RALYL: variants seen among roughly 807,000 people sequenced by gnomAD.
RALYL encodes RALY RNA binding protein like.
RALYL carries 29 observed loss-of-function variants against 35.1 expected under a neutral mutation model. That is an observed-to-expected ratio of 0.83 (90% CI 0.61 to 1.13). The LOEUF (loss-of-function observed/expected upper bound fraction) is 1.13. RALYL is among the 50% of genes most tolerant of loss of function. The pLI is 0.00. For missense variants in RALYL, 359 were observed against 360.4 expected (o/e 1.00, Z 0.03); for synonymous variants, 120 against 127.6 (o/e 0.94, Z 0.40).
chr8:84,547,661 G>A (rs147040789), intron 2 of RALYL, among the ~76,000 whole-genome samples: 2,359 of 150,152 alleles, frequency 0.016, 62 homozygotes, highest in African/African-American at 0.054. Context: ...TTACAGGCAT[G>A]AGCCACTGTA....
At chr8:84,296,548 A>G (rs1839776124) in intron 1 of RALYL, among the ~76,000 whole-genome samples, 1 of 150,302 alleles carries the variant, frequency 6.7e-6, no homozygotes, top group East Asian at 2.0e-4. Context: ...GCATGCAAAG[A>G]TGTGACATGC....
chr8:84,649,598 C>T (rs981047650), intron 2 of RALYL, among the ~76,000 whole-genome samples: 32 of 151,930 alleles, frequency 2.1e-4, no homozygotes, highest in Non-Finnish European at 2.6e-4. Context: ...TGTAGATATG[C>T]GGCGTTATTT....
chr8:84,202,635 G>A (rs62528133), intron 1 of RALYL, among the ~76,000 whole-genome samples: 1 of 152,096 alleles, frequency 6.6e-6, no homozygotes, highest in Non-Finnish European at 1.5e-5. Flanking sequence ...GCCTCCCAAA[G>A]TGCTGGGATT....
chr8:84,775,306 T>C (rs1310764251), intron 3 of RALYL, among the ~76,000 whole-genome samples: 2 of 152,162 alleles, frequency 1.3e-5, no homozygotes, highest in Non-Finnish European at 2.9e-5. Context: ...TTTACATATG[T>C]TGTTTAATTT....
chr8:84,662,009 T>C (rs1457020574), intron 2 of RALYL, among the ~76,000 whole-genome samples: 1 of 152,042 alleles, frequency 6.6e-6, no homozygotes, highest in African/African-American at 2.4e-5. Context: ...GCTTTTCTCA[T>C]AATCTTTAAA....
chr8:84,888,477 G>T (rs947066769), intron 8 of RALYL, among the ~76,000 whole-genome samples: 1 of 152,086 alleles, frequency 6.6e-6, no homozygotes, highest in African/African-American at 2.4e-5. Context: ...TATCTCAAAG[G>T]ACTTAACTAA....
chr8:84,548,440 C>T (rs1007322587), intron 2 of RALYL, among the ~76,000 whole-genome samples: 1 of 152,062 alleles, frequency 6.6e-6, no homozygotes, highest in Non-Finnish European at 1.5e-5. Context: ...AGTTTTAGCA[C>T]ATGTTGAAAT....
At chr8:84,230,843 T>C (rs868560536) in intron 1 of RALYL, among the ~76,000 whole-genome samples, 23 of 152,196 alleles carry the variant, frequency 1.5e-4, no homozygotes, top group African/African-American at 5.3e-4. Flanking sequence ...AATAAGGAAA[T>C]GATTCAAGTC....
chr8:84,461,323 T>C (rs2050744535), intron 1 of RALYL, among the ~76,000 whole-genome samples: 1 of 151,620 alleles, frequency 6.6e-6, no homozygotes, highest in Non-Finnish European at 1.5e-5. Context: ...ATAAATAAAA[T>C]GCATTCACTC....
intron 2 of RALYL, among the ~76,000 whole-genome samples, chr8:84,671,529 C>T (rs1833240501): frequency 6.6e-6 from 1 of 152,226 alleles, no homozygotes; most frequent in Admixed American, 6.5e-5. Flanking sequence ...TGTTTCCATA[C>T]ATCCTCTGAA....
At chr8:84,372,648 C>A (rs1302410413) in intron 1 of RALYL, among the ~76,000 whole-genome samples, 1 of 151,874 alleles carries the variant, frequency 6.6e-6, no homozygotes, top group Non-Finnish European at 1.5e-5. Flanking sequence ...ACTGGGAGAA[C>A]CACTTGAGTT....
At chr8:84,901,727 G>A (rs1459746699) in intron 8 of RALYL, among the ~76,000 whole-genome samples, 4 of 152,146 alleles carry the variant, frequency 2.6e-5, no homozygotes, top group Non-Finnish European at 4.4e-5. Context: ...CCTTAAAGAG[G>A]GGATGGATCC....
intron 1 of RALYL, among the ~76,000 whole-genome samples, chr8:84,385,119 A>G (rs1423282727): frequency 1.3e-5 from 2 of 151,812 alleles, no homozygotes; most frequent in African/African-American, 4.8e-5. Context: ...TGTGCAGTAT[A>G]TTTTCAAGCA....
chr8:84,543,781 GCCC>G (rs1416996986), intron 2 of RALYL, among the ~76,000 whole-genome samples: 3 of 151,886 alleles, frequency 2.0e-5, no homozygotes, highest in African/African-American at 4.8e-5. Flanking sequence ...ATAATTTCCT[GCCC>G]CATGTTGGGA....
chr8:84,866,230 G>C (rs1052305508), intron 6 of RALYL, among the ~76,000 whole-genome samples: 24 of 152,148 alleles, frequency 1.6e-4, no homozygotes, highest in Non-Finnish European at 5.9e-5. Flanking sequence ...CAAGATCTGG[G>C]TGGAGAAGAA....
chr8:84,330,868 G>A (rs1846677714), intron 1 of RALYL, among the ~76,000 whole-genome samples: 1 of 152,012 alleles, frequency 6.6e-6, no homozygotes, highest in African/African-American at 2.4e-5. Context: ...CAAGGGTGGT[G>A]TATTTGAAGA....
At chr8:84,630,762 G>A (rs890152821) in intron 2 of RALYL, among the ~76,000 whole-genome samples, 4 of 151,986 alleles carry the variant, frequency 2.6e-5, no homozygotes, top group African/African-American at 9.7e-5. Flanking sequence ...TGGAGAGTAG[G>A]TACTCCATAA....
intron 1 of RALYL, among the ~76,000 whole-genome samples, chr8:84,291,105 A>T (rs1470319943): frequency 6.6e-6 from 1 of 152,168 alleles, no homozygotes; most frequent in Non-Finnish European, 1.5e-5. Context: ...ACAAGCTTAA[A>T]AGTATGTAAT....
intron 6 of RALYL, chr8:84,864,696 A>G: frequency 1.9e-6 from 1 of 512,902 alleles, no homozygotes; most frequent in Non-Finnish European, 3.7e-6. Flanking sequence ...GCCATAGGCT[A>G]TAGGTGCAAC....
Sources: gnomAD v4.1 joint callset for allele counts (sites outside exome capture counted in the v4.1 genomes callset) on GRCh38, gnomAD v4.1.1 for gene constraint, MANE v1.5 for transcripts, NCBI Gene and HGNC (gene_info 2026-07-23, HGNC 2026-07-21) for gene names.